COL19A1: variants seen among roughly 807,000 people sequenced by gnomAD.
The protein encoded by COL19A1 is collagen alpha-1(XIX) chain.
A neutral mutation model predicts 190.2 loss-of-function variants in COL19A1; 159 were observed. That is an observed-to-expected ratio of 0.84 (90% CI 0.73 to 0.95). COL19A1 has a LOEUF of 0.95. Ranked by LOEUF, COL19A1 falls within the 40% of genes least tolerant of loss-of-function variation. The pLI is 0.00. For synonymous variants in COL19A1, 509 were observed against 458.9 expected (o/e 1.11, Z -1.39); for missense variants, 1,418 against 1,431.9 (o/e 0.99, Z 0.16).
chr6:70,113,128 A>G (rs1167796707), intron 16 of COL19A1, among the ~76,000 whole-genome samples: 2 of 152,192 alleles, frequency 1.3e-5, no homozygotes, highest in African/African-American at 2.4e-5. Context: ...TGGTGCCAGT[A>G]TATGCCAAGG....
At chr6:70,154,888 G>C (rs1787342558) in intron 31 of COL19A1, among the ~76,000 whole-genome samples, 1 of 152,106 alleles carries the variant, frequency 6.6e-6, no homozygotes, top group African/African-American at 2.4e-5. Flanking sequence ...TCCACCTTCT[G>C]CCTGCTTTAT....
intron 11 of COL19A1, among the ~76,000 whole-genome samples, chr6:69,982,711 G>A (rs919907740): frequency 6.7e-6 from 1 of 150,266 alleles, no homozygotes; most frequent in Non-Finnish European, 1.5e-5. Context: ...AGTGGCTCAC[G>A]CCTGTAATCC....
At chr6:70,094,812 C>T (rs1783144723) in intron 15 of COL19A1, among the ~76,000 whole-genome samples, 1 of 152,148 alleles carries the variant, frequency 6.6e-6, no homozygotes, top group Non-Finnish European at 1.5e-5. Context: ...TAGTGACCCT[C>T]TGTGTCCTTG....
At chr6:70,066,163 A>T (rs1270764203) in intron 14 of COL19A1, among the ~76,000 whole-genome samples, 1 of 152,184 alleles carries the variant, frequency 6.6e-6, no homozygotes, top group African/African-American at 2.4e-5. Flanking sequence ...TGTTTATTGC[A>T]GCACTGCTCA....
intron 16 of COL19A1, among the ~76,000 whole-genome samples, chr6:70,104,753 G>A (rs980560009): frequency 2.0e-5 from 3 of 152,200 alleles, no homozygotes; most frequent in Admixed American, 6.5e-5. Flanking sequence ...AGACCTTCGT[G>A]TAGTTTTCTA....
intron 11 of COL19A1, among the ~76,000 whole-genome samples, chr6:69,977,309 A>T (rs1226072657): frequency 6.6e-6 from 1 of 151,468 alleles, no homozygotes; most frequent in African/African-American, 2.4e-5. Flanking sequence ...AAACTATCTC[A>T]AGGACAAAAA....
chr6:69,927,465 A>G (rs1393261570), intron 4 of COL19A1, among the ~76,000 whole-genome samples: 1 of 152,230 alleles, frequency 6.6e-6, no homozygotes, highest in Non-Finnish European at 1.5e-5. Context: ...GGACTAAGAA[A>G]TCAGTATTAG....
chr6:69,975,897 C>T (rs1342667965), intron 11 of COL19A1, among the ~76,000 whole-genome samples: 3 of 152,052 alleles, frequency 2.0e-5, no homozygotes, highest in Non-Finnish European at 2.9e-5. Context: ...AAAATTTAAC[C>T]AACATTTATC....
At chr6:69,869,673 G>T (rs1324775050) in intron 1 of COL19A1, among the ~76,000 whole-genome samples, 1 of 152,168 alleles carries the variant, frequency 6.6e-6, no homozygotes, top group African/African-American at 2.4e-5. Flanking sequence ...CAAGAGAATT[G>T]TAATCAGAAA....
intron 36 of COL19A1, among the ~76,000 whole-genome samples, chr6:70,165,265 T>C (rs541324768): frequency 6.6e-6 from 1 of 152,234 alleles, no homozygotes; most frequent in African/African-American, 2.4e-5. Flanking sequence ...ATTTTTCAAC[T>C]TTCAACTTGA....
intron 17 of COL19A1, among the ~76,000 whole-genome samples, chr6:70,128,008 G>C (rs1785304876): frequency 6.6e-6 from 1 of 152,166 alleles, no homozygotes; most frequent in South Asian, 2.1e-4. Context: ...AAACTCCAGA[G>C]ATACATTAGA....
chr6:70,165,422 A>G (rs547634499), intron 36 of COL19A1, among the ~76,000 whole-genome samples: 1 of 152,192 alleles, frequency 6.6e-6, no homozygotes, highest in Non-Finnish European at 1.5e-5. Context: ...AAAGTCAGAT[A>G]TTAACGTAGG....
chr6:70,199,925 T>G (rs770841167), intron 49 of COL19A1, 189 bp downstream of exon 49: 1 of 550,854 alleles, frequency 1.8e-6, no homozygotes, highest in Non-Finnish European at 3.2e-6. Context: ...TAGAAGTAGA[T>G]GTTTAACTAT....
At position 69,921,123 on chromosome 6, in the gene COL19A1, CAT is replaced by C. The variant is rs1413715437; in HGVS notation, c.267-6783_267-6782del. ...CATATATTCATATACATATATATCACATATGTATCACATATATATCACATATG... is the reference window on the plus strand; with the variant it reads ...CATATATTCATATACATATATATCACATGTATCACATATATATCACATATG... On this transcript the variant is annotated intron_variant, in intron 4 of 50. Coordinates refer to ENST00000620364, the MANE Select transcript of COL19A1 (RefSeq NM_001858.6). Among the ~76,000 whole-genome samples, 6 of 105,510 alleles carry C rather than the reference CAT, an allele frequency of 5.7e-5. No individual in the cohort carries two copies. The Admixed American group carries it at 7.5e-4, about 13-fold the overall frequency. 69.2% of individuals were successfully genotyped at this position (105,510 alleles called of 152,430 possible). A position where few individuals can be genotyped will look rare whatever the true frequency, so the allele number is the denominator to read the frequency against.
chr6:70,211,212 A>G lies in COL19A1; in HGVS notation c.*3938A>G, dbSNP rs528221793. ...ATACATCACTATTTACAAAAGTACA[A>G]TTAGAAACACTGTTTTTTTTAAGTA... On this transcript the variant is annotated 3_prime_UTR_variant, in exon 51 of 51. Transcript: ENST00000620364. 1.3e-5 allele frequency among the ~76,000 whole-genome samples: 2 copies of G among 152,262 alleles called. No homozygotes were observed. Among genetic ancestry groups the G allele is most frequent in the East Asian group, 3.9e-4 (2 of 5,182 alleles).
At chr6:69,977,793 A>G (rs557066531) in intron 11 of COL19A1, among the ~76,000 whole-genome samples, 9 of 152,288 alleles carry the variant, frequency 5.9e-5, no homozygotes, top group Non-Finnish European at 8.8e-5. Context: ...TAATCCAAAT[A>G]TTTTATTTTG....
chr6:69,867,721 C>G (rs1043820093), intron 1 of COL19A1: 1 of 152,688 alleles, frequency 6.5e-6, no homozygotes, highest in Non-Finnish European at 1.5e-5. Flanking sequence ...AGGCGGGTGC[C>G]ACAGGAGCCC....
intron 15 of COL19A1, among the ~76,000 whole-genome samples, chr6:70,080,929 G>C (rs1212513919): frequency 6.6e-6 from 1 of 152,152 alleles, no homozygotes; most frequent in Non-Finnish European, 1.5e-5. Flanking sequence ...TTATGCAAGT[G>C]AATGTGGTGT....
intron 1 of COL19A1, among the ~76,000 whole-genome samples, chr6:69,868,793 C>A (rs1767640119): frequency 6.6e-6 from 1 of 152,200 alleles, no homozygotes; most frequent in Admixed American, 6.5e-5. Flanking sequence ...CATCTACTTT[C>A]TGGTCCTCCA....
Sources: gnomAD v4.1 joint callset for allele counts (sites outside exome capture counted in the v4.1 genomes callset) on GRCh38, gnomAD v4.1.1 for gene constraint, MANE v1.5 for transcripts, NCBI Gene and HGNC (gene_info 2026-07-23, HGNC 2026-07-21) for gene names.